The following SPECC1L variants were observed in gnomAD, a reference collection of about 807,000 sequenced individuals.
The protein encoded by SPECC1L is cytospin-A.
SPECC1L carries 40 observed loss-of-function variants against 116.8 expected under a neutral mutation model. The observed-to-expected ratio is 0.34, with a 90% CI of 0.27 to 0.45. The LOEUF is 0.45. SPECC1L is among the 20% of genes least tolerant of loss of function. The pLI is 1.00. For synonymous variants in SPECC1L, 504 were observed against 500.6 expected, an observed-to-expected ratio of 1.01 and a Z score of -0.09; for missense variants, 1,110 against 1,373.6, an observed-to-expected ratio of 0.81 and a Z score of 3.03.
chr22:24,347,269 T>TA (rs2041316399), intron 11 of SPECC1L, 93 bp downstream of exon 11: 2 of 928,538 alleles, frequency 2.2e-6, no homozygotes, highest in African/African-American at 3.3e-5. Context: ...TTGCTCTTGA[T>TA]ACTATTTCAA....
chr22:24,363,203 T>A lies in SPECC1L; in HGVS notation c.2744-58T>A, dbSNP rs1601608964. 3.6e-5 allele frequency: 52 copies of A among 1,442,188 alleles called. No individual in the cohort carries two copies. The East Asian group carries it at 1.2e-3, about 33-fold the overall frequency. The allele number at this position is 1,442,188 out of a possible 1,614,324, so 89.3% of individuals were successfully genotyped here. A position where few individuals can be genotyped will look rare whatever the true frequency, so the allele number is the denominator to read the frequency against. ...GTAAAACTCACCTTCTTTGTACCTT[T>A]ATTACTTTAAAGTTCAGCATCAGAT... On this transcript the variant is annotated intron_variant, in intron 11 of 16. Transcript: ENST00000314328.
At chr22:24,352,805 C>T (rs1848768915) in intron 11 of SPECC1L, among the ~76,000 whole-genome samples, 1 of 152,116 alleles carries the variant, frequency 6.6e-6, no homozygotes, top group Non-Finnish European at 1.5e-5. Context: ...TGATAAAAAT[C>T]AGAACTTATT....
chr22:24,336,903 G>T (rs1017987763), intron 9 of SPECC1L, among the ~76,000 whole-genome samples: 2 of 152,158 alleles, frequency 1.3e-5, no homozygotes, highest in African/African-American at 4.8e-5. Context: ...ACAGCATTCA[G>T]TAATTTAAAT....
In SPECC1L at chr22:24,321,905, A is replaced by G; in HGVS notation, c.925A>G (p.Thr309Ala). The G allele has an allele frequency of 6.2e-7, 1 of 1,614,136 alleles. No individual in the cohort carries two copies. The highest frequency in any genetic ancestry group is 8.5e-7 in the Non-Finnish European group (1 of 1,180,022). Reference protein sequence around the residue: ...TPGNQSDGGGTLTSSVEGSAP... With the variant: ...TPGNQSDGGGALTSSVEGSAP... ...TGGTAACCAGAGCGATGGAGGAGGA[A>G]CTCTGACTTCTTCAGTGGAAGGCTC... Residue 309 changes from threonine to alanine, a missense_variant, in exon 5 of 17, where the codon ACT becomes GCT. Thr to Ala is a moderately conservative substitution (Grantham distance 58, BLOSUM62 0). Around this residue, in one of 4 missense-constraint regions of SPECC1L, gnomAD observed 437 missense variants for 482.6 expected, o/e 0.91. Coordinates refer to ENST00000314328, the MANE Select transcript of SPECC1L (RefSeq NM_015330.6).
intron 14 of SPECC1L, among the ~76,000 whole-genome samples, chr22:24,406,536 C>T (rs1011469491): frequency 5.3e-5 from 8 of 152,158 alleles, no homozygotes; most frequent in African/African-American, 1.9e-4. Flanking sequence ...CTGGAGCCCA[C>T]TGTGGTCTGG....
chr22:24,326,034 A>T (rs1231888738), intron 6 of SPECC1L, among the ~76,000 whole-genome samples: 5 of 151,950 alleles, frequency 3.3e-5, no homozygotes, highest in African/African-American at 1.2e-4. Context: ...GCTCACTGCA[A>T]CCTCTGCCCC....
intron 14 of SPECC1L, among the ~76,000 whole-genome samples, chr22:24,402,371 T>G (rs1011452081): frequency 2.0e-5 from 3 of 151,816 alleles, no homozygotes; most frequent in Non-Finnish European, 2.9e-5. Flanking sequence ...CAATCAACAG[T>G]CTCGATGGTT....
chr22:24,390,867 CTTTTCTTT>C lies in SPECC1L; in HGVS notation c.3088-20716_3088-20709del, dbSNP rs2042252571. Among the ~76,000 whole-genome samples, 206 of 47,600 alleles carry C rather than the reference CTTTTCTTT, an allele frequency of 4.3e-3. 1 individual carries two copies. The highest frequency in any genetic ancestry group is 6.3e-3 in the Non-Finnish European group (158 of 25,102). 31.2% of individuals were successfully genotyped at this position (47,600 alleles called of 152,430 possible). A position where few individuals can be genotyped will look rare whatever the true frequency, so the allele number is the denominator to read the frequency against. ...GCCTGTGTTCCTTTTTTTTTTTTTT[CTTTTCTTT>C]TTTTTTTTTTTTTTTTTTTTTTTGA... On this transcript the variant is annotated intron_variant, in intron 14 of 16. Transcript: ENST00000314328.
intron 4 of SPECC1L, among the ~76,000 whole-genome samples, chr22:24,317,128 C>CA: frequency 9.4e-6 from 1 of 106,344 alleles, no homozygotes; most frequent in African/African-American, 3.5e-5. Flanking sequence ...GCTGGCTGGG[C>CA]GGGGGGCTGA....
chr22:24,375,076 C>T (rs1214886946), intron 14 of SPECC1L, among the ~76,000 whole-genome samples: 1 of 152,030 alleles, frequency 6.6e-6, no homozygotes, highest in African/African-American at 2.4e-5. Context: ...AATTGGATAA[C>T]TTAGATGATA....
At chr22:24,280,880 C>G (rs1263888911) in intron 2 of SPECC1L, among the ~76,000 whole-genome samples, 1 of 152,108 alleles carries the variant, frequency 6.6e-6, no homozygotes, top group Admixed American at 6.5e-5. Context: ...AGCCAGTGTC[C>G]AGCCCAAAAT....
chr22:24,305,953 C>T (rs996207866), intron 3 of SPECC1L, among the ~76,000 whole-genome samples: 13 of 150,998 alleles, frequency 8.6e-5, no homozygotes, highest in African/African-American at 2.9e-4. Context: ...TGGAGTTTCA[C>T]TCTTGTTGCC....
At chr22:24,297,513 A>G (rs2049290847) in intron 2 of SPECC1L, among the ~76,000 whole-genome samples, 1 of 152,184 alleles carries the variant, frequency 6.6e-6, no homozygotes, top group African/African-American at 2.4e-5. Context: ...TTATATATAT[A>G]GTATATTTAA....
chr22:24,332,667 A>G (rs917056662), intron 8 of SPECC1L, among the ~76,000 whole-genome samples: 2 of 152,054 alleles, frequency 1.3e-5, no homozygotes, highest in African/African-American at 4.8e-5. Flanking sequence ...CATTAAAGAG[A>G]TGATTTAAAA....
intron 11 of SPECC1L, among the ~76,000 whole-genome samples, chr22:24,352,452 G>GT (rs1452928496): frequency 3.9e-5 from 6 of 152,102 alleles, no homozygotes; most frequent in Non-Finnish European, 8.8e-5. Context: ...GTTGTGTTCT[G>GT]TAAGGAAATT....
intron 14 of SPECC1L, among the ~76,000 whole-genome samples, chr22:24,394,438 C>T (rs1794509886): frequency 6.6e-6 from 1 of 152,228 alleles, no homozygotes; most frequent in African/African-American, 2.4e-5. Context: ...GACCGCATTA[C>T]TTCCCAAAGA....
chr22:24,392,140 T>C (rs1444027486), intron 14 of SPECC1L, among the ~76,000 whole-genome samples: 1 of 152,214 alleles, frequency 6.6e-6, no homozygotes, highest in East Asian at 1.9e-4. Flanking sequence ...CCAGGCTCTT[T>C]CCACTGAGCT....
rs1569430016 is a variant in SPECC1L at position 24,348,440 on chromosome 22, G to GTACAC, written c.2743+1264_2743+1265insTACAC. On this transcript the variant is annotated intron_variant, in intron 11 of 16. Transcript: ENST00000314328. Reference sequence around the variant, plus strand: ...TATACCTGTCAGTCTTCAGTGTTCTGATAAGCTGGTTGTGTACACATTTAG... The same window carrying GTACAC: ...TATACCTGTCAGTCTTCAGTGTTCTGTACACATAAGCTGGTTGTGTACACATTTAG... 4.6e-5 allele frequency among the ~76,000 whole-genome samples: 7 copies of GTACAC among 152,276 alleles called. No homozygotes were observed. In the East Asian group the frequency reaches 1.4e-3, roughly 29 times the overall value.
At chr22:24,281,131 G>A (rs959507797) in intron 2 of SPECC1L, among the ~76,000 whole-genome samples, 1 of 152,148 alleles carries the variant, frequency 6.6e-6, no homozygotes, top group African/African-American at 2.4e-5. Flanking sequence ...AATTTTAAAG[G>A]AAGGATGTTT....
Sources: allele counts gnomAD v4.1 joint callset (sites outside exome capture counted in the v4.1 genomes callset), GRCh38; gene constraint gnomAD v4.1.1; regional missense constraint gnomAD v4.1.1; transcripts MANE v1.5; gene names NCBI Gene and HGNC (gene_info 2026-07-23, HGNC 2026-07-21).